Variants in MYO3B observed in about 807,000 individuals in gnomAD.
The protein encoded by MYO3B is myosin IIIB.
Under a neutral mutation model 174.6 loss-of-function variants are expected in MYO3B, and 156 were observed. That is an observed-to-expected ratio of 0.89 (90% CI 0.78 to 1.02). The LOEUF (loss-of-function observed/expected upper bound fraction) is 1.02. Among genes scored for constraint, MYO3B ranks in the 50% least tolerant of loss-of-function variants. The pLI, the probability that MYO3B is intolerant of heterozygous loss-of-function variation, is 0.00. For synonymous variants in MYO3B, 563 were observed against 569.1 expected, an observed-to-expected ratio of 0.99 and a Z score of 0.15; for missense variants, 1,632 against 1,639.4, an observed-to-expected ratio of 1.00 and a Z score of 0.08.
chr2:170,433,989 T>A lies in MYO3B; in HGVS notation c.2651-9978T>A, dbSNP rs1237508001. Among the ~76,000 whole-genome samples, 4 of 152,188 alleles carry A rather than the reference T, an allele frequency of 2.6e-5. No individual in the cohort carries two copies. The East Asian group carries it at 7.7e-4, about 29-fold the overall frequency. ...TATTAACGTGAAAGCTGTAGATAAATGCTAAGGGAGAAAGTAAAAACTGCA... is the reference window on the plus strand; with the variant it reads ...TATTAACGTGAAAGCTGTAGATAAAAGCTAAGGGAGAAAGTAAAAACTGCA... On this transcript the variant is annotated intron_variant, in intron 22 of 34. Transcript: ENST00000408978.
intron 8 of MYO3B, among the ~76,000 whole-genome samples, chr2:170,360,040 A>G (rs1391416666): frequency 1.3e-5 from 2 of 152,150 alleles, no homozygotes; most frequent in Non-Finnish European, 2.9e-5. Flanking sequence ...TTTCTTGTGG[A>G]TGAATATAAT....
chr2:170,592,705 G>A (rs947128298), intron 32 of MYO3B, among the ~76,000 whole-genome samples: 3 of 152,076 alleles, frequency 2.0e-5, no homozygotes, highest in African/African-American at 7.3e-5. Flanking sequence ...ATTCTCTTTA[G>A]TGAAGTATCC....
intron 7 of MYO3B, among the ~76,000 whole-genome samples, chr2:170,265,895 A>G (rs909890272): frequency 2.0e-5 from 3 of 152,210 alleles, no homozygotes; most frequent in African/African-American, 7.2e-5. Flanking sequence ...AACATAAAAT[A>G]AAGTAGAAAA....
intron 32 of MYO3B, among the ~76,000 whole-genome samples, chr2:170,574,313 T>C (rs1475412487): frequency 2.0e-5 from 3 of 152,108 alleles, no homozygotes; most frequent in Admixed American, 6.5e-5. Context: ...ATTTGATTTA[T>C]TGAGATCGAC....
intron 7 of MYO3B, among the ~76,000 whole-genome samples, chr2:170,290,411 C>A (rs1340505778): frequency 6.6e-6 from 1 of 152,044 alleles, no homozygotes; most frequent in Non-Finnish European, 1.5e-5. Flanking sequence ...GCTGAATTGA[C>A]CCTTTTATCA....
chr2:170,259,642 C>G (rs1211143200), intron 7 of MYO3B, among the ~76,000 whole-genome samples: 1 of 152,034 alleles, frequency 6.6e-6, no homozygotes, highest in East Asian at 1.9e-4. Context: ...TTGGCCTTGG[C>G]AAAGAATTTA....
In MYO3B at chr2:170,216,886, AG is replaced by A. The variant is rs2092834781; in HGVS notation, c.527-430del. ...AGTGATATAGACAGGGATGTCCATTAGGGAAAAAAAAAAATCCTAATGATTT... is the reference window on the plus strand; with the variant it reads ...AGTGATATAGACAGGGATGTCCATTAGGAAAAAAAAAAATCCTAATGATTT... On this transcript the variant is annotated intron_variant, in intron 5 of 34. Coordinates refer to ENST00000408978, the MANE Select transcript of MYO3B (RefSeq NM_138995.5). Among the ~76,000 whole-genome samples the A allele has an allele frequency of 3.3e-5, 3 of 91,516 alleles. No individual in the cohort carries two copies. The South Asian group carries it at 1.2e-3, about 35-fold the overall frequency. 60.0% of individuals were successfully genotyped at this position (91,516 alleles called of 152,430 possible). A position where few individuals can be genotyped will look rare whatever the true frequency, so the allele number is the denominator to read the frequency against.
chr2:170,355,156 G>C (rs2094110600), intron 8 of MYO3B, among the ~76,000 whole-genome samples: 1 of 152,196 alleles, frequency 6.6e-6, no homozygotes, highest in African/African-American at 2.4e-5. Flanking sequence ...CAGGTGACAG[G>C]CATGGTAGTG....
At chr2:170,245,443 C>A (rs1253037066) in intron 7 of MYO3B, among the ~76,000 whole-genome samples, 1 of 152,190 alleles carries the variant, frequency 6.6e-6, no homozygotes, top group African/African-American at 2.4e-5. Context: ...GTGGCTCTGT[C>A]CTAGCCAGAT....
intron 7 of MYO3B, among the ~76,000 whole-genome samples, chr2:170,245,595 T>G (rs938027126): frequency 3.3e-5 from 5 of 152,230 alleles, no homozygotes; most frequent in African/African-American, 9.6e-5. Context: ...CTGTTACTAT[T>G]CCATCATTTC....
At chr2:170,498,123 T>G (rs968742018) in intron 25 of MYO3B, among the ~76,000 whole-genome samples, 1 of 152,194 alleles carries the variant, frequency 6.6e-6, no homozygotes, top group Non-Finnish European at 1.5e-5. Context: ...GTAAGATGAA[T>G]AGCTCAGCAG....
chr2:170,651,821 G>GGGGGCCCCCCCCC, intron 33 of MYO3B, 87 bp downstream of exon 33: 1 of 1,089,324 alleles, frequency 9.2e-7, no homozygotes, highest in Non-Finnish European at 1.4e-6. Context: ...AGCCCCTGCA[G>GGGGGCCCCCCCCC]CCCCACCCCC....
intron 23 of MYO3B, among the ~76,000 whole-genome samples, chr2:170,462,939 G>A (rs7598900): frequency 0.46 from 70,702 of 152,146 alleles, 18,579 homozygotes; most frequent in African/African-American, 0.71. Flanking sequence ...GTCTGACGAC[G>A]TGGAAGGCAA....
At chr2:170,448,175 A>G (rs997625422) in intron 23 of MYO3B, among the ~76,000 whole-genome samples, 2 of 152,126 alleles carry the variant, frequency 1.3e-5, no homozygotes, top group African/African-American at 2.4e-5. Context: ...TTGTTTTGGG[A>G]AAGGGCTGTT....
Position 170,499,774 on chromosome 2 carries a change from GAA to G in MYO3B, c.3256_3257del (p.Lys1086GlufsTer16). 1.2e-6 allele frequency: 2 copies of G among 1,613,656 alleles called. No homozygotes were observed. The highest frequency in any genetic ancestry group is 1.7e-6 in the Non-Finnish European group (2 of 1,179,674). ...GARRYKRVREKREKGAIAIQS... is the reference protein window; with the variant it reads ...GARRYKRVREXREKGAIAIQS... ...CCAGGAGATACAAAAGGGTCAGAGA[GAA>G]GAGAGAGAAGGGAGCCATTGCCATC... On this transcript the variant is annotated frameshift_variant, in exon 27 of 35. Transcript: ENST00000408978. LOFTEE classifies it high-confidence loss of function.
intron 30 of MYO3B, among the ~76,000 whole-genome samples, chr2:170,520,703 G>A (rs952820283): frequency 1.3e-5 from 2 of 152,088 alleles, no homozygotes; most frequent in African/African-American, 4.8e-5. Context: ...TGACCTCTGA[G>A]CTGCTCAAGC....
chr2:170,179,432 T>C (rs1370312618), intron 1 of MYO3B, among the ~76,000 whole-genome samples: 2 of 152,202 alleles, frequency 1.3e-5, no homozygotes, highest in Non-Finnish European at 2.9e-5. Context: ...AAAGATCATG[T>C]TGAAATTTAA....
chr2:170,363,410 G>C (rs2105656241), intron 8 of MYO3B, among the ~76,000 whole-genome samples: 1 of 152,196 alleles, frequency 6.6e-6, no homozygotes, highest in South Asian at 2.1e-4. Context: ...CCCCCTTGCA[G>C]GCATCCGGTT....
At chr2:170,363,149 T>C (rs1175479510) in intron 8 of MYO3B, among the ~76,000 whole-genome samples, 1 of 151,980 alleles carries the variant, frequency 6.6e-6, no homozygotes, top group Non-Finnish European at 1.5e-5. Context: ...TGGGAACACA[T>C]AACAATTCAA....
Sources: allele counts gnomAD v4.1 joint callset (sites outside exome capture counted in the v4.1 genomes callset), GRCh38; gene constraint gnomAD v4.1.1; transcripts MANE v1.5; gene names NCBI Gene and HGNC (gene_info 2026-07-23, HGNC 2026-07-21).